Variants in DPYD observed in about 807,000 individuals in gnomAD.
The protein encoded by DPYD is dihydropyrimidine dehydrogenase, also known as dihydropyrimidine dehydrogenase [NADP(+)].
In DPYD, 109 loss-of-function variants were observed where a neutral mutation model predicts 116.2. The ratio of observed to expected loss-of-function variants is 0.94; its 90% CI spans 0.80 to 1.10. The LOEUF is 1.10. Ranked by LOEUF, DPYD falls within the 50% of genes least tolerant of loss-of-function variation. The probability of loss-of-function intolerance (pLI) is 0.00; values close to 1 mark genes in which losing one functional copy is unlikely to be tolerated. For missense variants in DPYD, 1,302 were observed against 1,254.5 expected, an observed-to-expected ratio of 1.04 and a Z score of -0.57; for synonymous variants, 440 against 432.0, an observed-to-expected ratio of 1.02 and a Z score of -0.23.
At chr1:97,213,502 T>C (rs888057134) in intron 19 of DPYD, among the ~76,000 whole-genome samples, 1 of 152,184 alleles carries the variant, frequency 6.6e-6, no homozygotes, top group South Asian at 2.1e-4. Context: ...TATCACAATG[T>C]CCAGGCACTA....
At chr1:97,168,421 A>C (rs1206798307) in intron 20 of DPYD, among the ~76,000 whole-genome samples, 3 of 152,200 alleles carry the variant, frequency 2.0e-5, no homozygotes, top group African/African-American at 7.2e-5. Flanking sequence ...AGGTATCAGG[A>C]AGACCTACTT....
At chr1:97,549,788 G>C (rs1407084523) in intron 11 of DPYD, 44 bp from the exon 12 acceptor site, 1 of 1,510,250 alleles carries the variant, frequency 6.6e-7, no homozygotes, top group East Asian at 2.3e-5. Context: ...CTAGTCAACA[G>C]ACAATTCCAT....
chr1:97,333,521 T>A (rs888657155), intron 16 of DPYD, among the ~76,000 whole-genome samples: 8 of 138,886 alleles, frequency 5.8e-5, no homozygotes, highest in African/African-American at 2.3e-4. Flanking sequence ...CTTAGGATTT[T>A]TTTTTTTTTT....
chr1:97,288,132 C>A (rs1337955883), intron 18 of DPYD, among the ~76,000 whole-genome samples: 5 of 151,602 alleles, frequency 3.3e-5, no homozygotes, highest in East Asian at 1.9e-4. Context: ...ACAAGAAAAG[C>A]TAACTATCCT....
intron 7 of DPYD, among the ~76,000 whole-genome samples, chr1:97,688,440 T>A (rs1021485425): frequency 6.6e-6 from 1 of 151,904 alleles, no homozygotes; most frequent in African/African-American, 2.4e-5. Flanking sequence ...GCAAAATTGA[T>A]ACGAGAATAA....
At chr1:97,131,557 C>G (rs1653346316) in intron 20 of DPYD, among the ~76,000 whole-genome samples, 1 of 152,074 alleles carries the variant, frequency 6.6e-6, no homozygotes, top group South Asian at 2.1e-4. Context: ...AGCAAGACAA[C>G]TGAAATACAC....
At chr1:97,884,174 T>C (rs971594660) in intron 1 of DPYD, among the ~76,000 whole-genome samples, 1 of 152,034 alleles carries the variant, frequency 6.6e-6, no homozygotes, top group Non-Finnish European at 1.5e-5. Flanking sequence ...GTAATTGTTA[T>C]TGTATTTTCT....
intron 14 of DPYD, among the ~76,000 whole-genome samples, chr1:97,386,126 C>A (rs1672330361): frequency 6.6e-6 from 1 of 152,028 alleles, no homozygotes. Context: ...ATGCTCTGAG[C>A]AGCCAAGCAC....
At chr1:97,736,570 T>C (rs1281432167) in intron 4 of DPYD, among the ~76,000 whole-genome samples, 1 of 152,056 alleles carries the variant, frequency 6.6e-6, no homozygotes, top group Non-Finnish European at 1.5e-5. Flanking sequence ...AAAGAGAGAA[T>C]TAATATCCAC....
intron 8 of DPYD, among the ~76,000 whole-genome samples, chr1:97,636,589 A>G (rs951638030): frequency 1.3e-5 from 2 of 152,202 alleles, no homozygotes; most frequent in Non-Finnish European, 2.9e-5. Flanking sequence ...GAAAGAGGAC[A>G]TGGGCAAATG....
At chr1:97,647,553 T>G (rs1458755346) in intron 8 of DPYD, among the ~76,000 whole-genome samples, 1 of 151,972 alleles carries the variant, frequency 6.6e-6, no homozygotes, top group African/African-American at 2.4e-5. Flanking sequence ...CATATGTTTT[T>G]GAAGGGAAAT....
At chr1:97,688,058 A>T (rs1660825621) in intron 7 of DPYD, among the ~76,000 whole-genome samples, 1 of 152,180 alleles carries the variant, frequency 6.6e-6, no homozygotes, top group African/African-American at 2.4e-5. Flanking sequence ...TGATAGGTGC[A>T]GCAAACCACC....
At chr1:97,902,212 G>T (rs1029453856) in intron 1 of DPYD, among the ~76,000 whole-genome samples, 1 of 151,700 alleles carries the variant, frequency 6.6e-6, no homozygotes, top group Non-Finnish European at 1.5e-5. Flanking sequence ...TGAAGTAAAA[G>T]AACAATCCAT....
intron 20 of DPYD, among the ~76,000 whole-genome samples, chr1:97,109,271 A>AGT (rs942933250): frequency 7.9e-5 from 12 of 152,156 alleles, no homozygotes; most frequent in African/African-American, 2.9e-4. Flanking sequence ...TAAAGATGTG[A>AGT]GTGCTCTGAA....
intron 5 of DPYD, among the ~76,000 whole-genome samples, chr1:97,699,999 A>T (rs757010186): frequency 2.6e-5 from 4 of 152,126 alleles, no homozygotes; most frequent in Admixed American, 6.6e-5. Context: ...ACATTTAATA[A>T]ATAATTTCTT....
At chr1:97,704,275 G>A (rs1661773936) in intron 5 of DPYD, among the ~76,000 whole-genome samples, 1 of 151,904 alleles carries the variant, frequency 6.6e-6, no homozygotes, top group Admixed American at 6.6e-5. Flanking sequence ...GGTGAATGGG[G>A]GGTAGTGATT....
At chr1:97,188,805 C>T (rs1449331285) in intron 20 of DPYD, among the ~76,000 whole-genome samples, 1 of 152,124 alleles carries the variant, frequency 6.6e-6, no homozygotes, top group African/African-American at 2.4e-5. Context: ...GTGTTCTAGG[C>T]CGTCAAGAAG....
chr1:97,899,403 G>A (rs1673248400), intron 1 of DPYD, among the ~76,000 whole-genome samples: 1 of 151,836 alleles, frequency 6.6e-6, no homozygotes, highest in South Asian at 2.1e-4. Context: ...AAGCTTGTGG[G>A]TGACTTCCTC....
intron 7 of DPYD, among the ~76,000 whole-genome samples, chr1:97,687,045 C>A (rs1041350292): frequency 6.6e-6 from 1 of 152,024 alleles, no homozygotes; most frequent in South Asian, 2.1e-4. Context: ...CTAAGGCAAG[C>A]GGGTCACTTG....
Sources: gnomAD v4.1 joint callset for allele counts (sites outside exome capture counted in the v4.1 genomes callset) on GRCh38, gnomAD v4.1.1 for gene constraint, MANE v1.5 for transcripts, NCBI Gene and HGNC (gene_info 2026-07-23, HGNC 2026-07-21) for gene names.